The following PCNT variants were observed in gnomAD, a reference collection of about 807,000 sequenced individuals.
PCNT encodes pericentrin.
PCNT carries 319 observed loss-of-function variants against 380.4 expected under a neutral mutation model. The ratio of observed to expected loss-of-function variants is 0.84; its 90% CI spans 0.77 to 0.92. The LOEUF (loss-of-function observed/expected upper bound fraction) is 0.92. Among genes scored for constraint, PCNT ranks in the 40% least tolerant of loss-of-function variants. The pLI is 0.00. For synonymous variants in PCNT, 1,845 were observed against 1,735.2 expected (o/e 1.06, Z -1.57); for missense variants, 4,400 against 4,255.3 (o/e 1.03, Z -0.95).
chr21:46,407,295 A>G (rs978708015), intron 27 of PCNT, among the ~76,000 whole-genome samples: 3 of 149,658 alleles, frequency 2.0e-5, no homozygotes, highest in South Asian at 4.2e-4. Flanking sequence ...TGTGCATGTC[A>G]TCAAAATTGT....
At chr21:46,329,244 T>C (rs2083481479) in intron 2 of PCNT, among the ~76,000 whole-genome samples, 2 of 152,234 alleles carry the variant, frequency 1.3e-5, no homozygotes, top group Non-Finnish European at 1.5e-5. Context: ...ACTCATACTT[T>C]GCTGTTTCAT....
In PCNT at chr21:46,440,845, T is replaced by C. The variant is rs199784468; in HGVS notation, c.9394-10T>C. ...CCTATGATAAAATTTTACTGCTTTTTTTCTTTTAGATGGAAAAATTGTACC... is the reference window on the plus strand; with the variant it reads ...CCTATGATAAAATTTTACTGCTTTTCTTCTTTTAGATGGAAAAATTGTACC... On this transcript the variant is annotated splice_polypyrimidine_tract_variant and intron_variant, in intron 42 of 46. Coordinates refer to ENST00000359568, the MANE Select transcript of PCNT (RefSeq NM_006031.6). 2.6e-6 allele frequency: 4 copies of C among 1,558,300 alleles called. No individual in the cohort carries two copies. The highest frequency in any genetic ancestry group is 2.7e-5 in the African/African-American group (2 of 73,880).
rs773399625 is a variant in PCNT, at chr21:46,431,631, C to G, written c.8167C>G (p.Arg2723Gly). 6.2e-7 allele frequency: 1 copy of G among 1,613,834 alleles called. No homozygotes were observed. The change falls in exon 38 of 47, where the codon CGT (arginine) becomes GGT (glycine). Residue 2723 changes from arginine to glycine, a missense_variant. Physicochemically the swap from Arg to Gly is moderately radical, Grantham distance 125. Coordinates refer to ENST00000359568, the MANE Select transcript of PCNT (RefSeq NM_006031.6). ...CAAGGACAACCTGCAGAAGGAGCTG[C>G]GTATCGAGCACTCACGCTGCGAGGC... is the stretch of plus-strand genomic sequence containing the variant. ...TAKDNLQKEL[R>G]IEHSRCEALL... is the part of the protein sequence containing the mutation.
chr21:46,370,392 G>A (rs989466462), intron 15 of PCNT, among the ~76,000 whole-genome samples: 12 of 151,992 alleles, frequency 7.9e-5, no homozygotes, highest in Non-Finnish European at 1.5e-4. Flanking sequence ...AGCCTGGGAG[G>A]TGCGGGGGTC....
At chr21:46,347,619 G>A (rs954131045) in intron 6 of PCNT, 107 bp downstream of exon 6, 11 of 1,004,796 alleles carry the variant, frequency 1.1e-5, no homozygotes, top group Admixed American at 1.7e-5. Flanking sequence ...GAAGCCAGTC[G>A]AGGCTTTATT....
intron 15 of PCNT, among the ~76,000 whole-genome samples, chr21:46,380,637 T>C (rs915335784): frequency 1.3e-5 from 2 of 152,098 alleles, no homozygotes; most frequent in African/African-American, 4.8e-5. Flanking sequence ...AGAGGAGATA[T>C]GGAGTCAGGG....
intron 15 of PCNT, among the ~76,000 whole-genome samples, chr21:46,377,038 G>C (rs534183102): frequency 6.6e-6 from 1 of 152,074 alleles, no homozygotes; most frequent in Non-Finnish European, 1.5e-5. Flanking sequence ...CCAGGCCGGC[G>C]CGGGGGGCAC....
intron 42 of PCNT, among the ~76,000 whole-genome samples, chr21:46,440,467 G>C (rs1191967592): frequency 6.6e-6 from 1 of 152,246 alleles, no homozygotes; most frequent in Non-Finnish European, 1.5e-5. Flanking sequence ...CAGCCTGAGG[G>C]AGGCCTGGCC....
intron 7 of PCNT, 120 bp downstream of exon 7, chr21:46,349,306 ATGGCCCCATGCACGTGTGACACGCTGG>A (rs2146592466): frequency 1.1e-6 from 1 of 884,214 alleles, no homozygotes; most frequent in Non-Finnish European, 1.9e-6. Context: ...TAAATGCTGG[ATGGCCCCATGCACGTGTGACACGCTGG>A]TGGCCGTCAT....
chr21:46,440,352 C>T (rs1468042798), intron 42 of PCNT, 150 bp downstream of exon 42: 4 of 858,104 alleles, frequency 4.7e-6, no homozygotes, highest in Non-Finnish European at 7.6e-6. Context: ...ACAGAATAAA[C>T]TTCGGCTTGA....
At chr21:46,431,279 A>G (rs1201490921) in intron 37 of PCNT, 8 of 1,363,994 alleles carry the variant, frequency 5.9e-6, no homozygotes, top group Non-Finnish European at 7.6e-6. Context: ...CTGGAGAGGG[A>G]CAGACTGGGA....
intron 15 of PCNT, among the ~76,000 whole-genome samples, chr21:46,381,194 CTCTG>C (rs1006298524): frequency 1.6e-4 from 12 of 72,918 alleles, no homozygotes; most frequent in Admixed American, 4.7e-4. Flanking sequence ...AAAAAAAAAT[CTCTG>C]TGTGTGTGTG....
At position 46,391,312 on chromosome 21, in the gene PCNT, G is replaced by A; in HGVS notation, c.4152G>A (p.Glu1384=). Residue 1384 remains glutamate, a synonymous_variant, in exon 21 of 47, where the codon GAG becomes GAA. Transcript: ENST00000359568. ...QAAQEQAALR[E]ECTRLWSRGE... ...CCCAGGAGCAGGCGGCGCTGAGGGA[G>A]GAGTGCACCCGTCTGTGGAGTCGGG... The A allele has an allele frequency of 6.4e-7, 1 of 1,567,532 alleles. No individual in the cohort carries two copies. The highest frequency in any genetic ancestry group is 1.9e-5 in the Admixed American group (1 of 52,416).
chr21:46,398,722 C>T (rs1003668934), intron 24 of PCNT, among the ~76,000 whole-genome samples: 17 of 152,214 alleles, frequency 1.1e-4, no homozygotes, highest in African/African-American at 3.6e-4. Flanking sequence ...CACCATTCAC[C>T]GAGCCTGACT....
chr21:46,420,511 T>A (rs1244052557), intron 31 of PCNT: 1 of 152,262 alleles, frequency 6.6e-6, no homozygotes, highest in Non-Finnish European at 1.5e-5. Flanking sequence ...GTTCTTGAGT[T>A]TATTTTGGGC....
At chr21:46,407,902 A>G (rs982409848) in intron 27 of PCNT, among the ~76,000 whole-genome samples, 1 of 151,812 alleles carries the variant, frequency 6.6e-6, no homozygotes. Flanking sequence ...GCTTCCTTCT[A>G]TTTACCTTGG....
intron 3 of PCNT, among the ~76,000 whole-genome samples, chr21:46,337,699 C>T (rs2083793759): frequency 6.6e-6 from 1 of 152,242 alleles, no homozygotes; most frequent in Non-Finnish European, 1.5e-5. Context: ...TCTCCTACCT[C>T]AGCCTCCCGA....
intron 15 of PCNT, among the ~76,000 whole-genome samples, chr21:46,380,159 T>A (rs1294816940): frequency 2.5e-5 from 2 of 81,372 alleles, no homozygotes; most frequent in Non-Finnish European, 5.2e-5. Flanking sequence ...TTTTTTTTTT[T>A]TTTTTTTTTT....
intron 41 of PCNT, among the ~76,000 whole-genome samples, chr21:46,439,733 G>T (rs2053558109): frequency 6.6e-6 from 1 of 152,128 alleles, no homozygotes; most frequent in African/African-American, 2.4e-5. Context: ...CCAGTGGTTG[G>T]CATTTCTAGG....
Sources: gnomAD v4.1 joint callset for allele counts (sites outside exome capture counted in the v4.1 genomes callset) on GRCh38, gnomAD v4.1.1 for gene constraint, MANE v1.5 for transcripts, NCBI Gene and HGNC (gene_info 2026-07-23, HGNC 2026-07-21) for gene names.